Variants in LMNTD1 observed in about 807,000 individuals in gnomAD.
LMNTD1 encodes the protein lamin tail domain containing 1.
LMNTD1 carries 35 observed loss-of-function variants against 50.9 expected under a neutral mutation model. That is an observed-to-expected ratio of 0.69 (90% CI 0.53 to 0.91). The LOEUF is 0.91. Among genes scored for constraint, LMNTD1 ranks in the 40% least tolerant of loss-of-function variants. The pLI is 0.00. For missense variants in LMNTD1, 470 were observed against 475.5 expected (o/e 0.99, Z 0.11); for synonymous variants, 153 against 161.9 (o/e 0.94, Z 0.42).
At chr12:25,589,273 A>G (rs1945627464) in intron 1 of LMNTD1, among the ~76,000 whole-genome samples, 1 of 152,242 alleles carries the variant, frequency 6.6e-6, no homozygotes. Flanking sequence ...TCTCATAAAC[A>G]TGTTAAAGAA....
At chr12:25,589,720 C>T (rs1294980479) in intron 1 of LMNTD1, among the ~76,000 whole-genome samples, 1 of 152,214 alleles carries the variant, frequency 6.6e-6, no homozygotes. Flanking sequence ...GATTTAAAAT[C>T]TTCATGGCAC....
At chr12:25,638,799 C>A (rs1419644182) in intron 1 of LMNTD1, among the ~76,000 whole-genome samples, 2 of 152,082 alleles carry the variant, frequency 1.3e-5, no homozygotes, top group African/African-American at 4.8e-5. Context: ...CTGCCTTTTT[C>A]TTTGCAGAAA....
intron 9 of LMNTD1, among the ~76,000 whole-genome samples, chr12:25,489,682 G>T (rs1478063880): frequency 6.6e-6 from 1 of 152,088 alleles, no homozygotes; most frequent in Non-Finnish European, 1.5e-5. Flanking sequence ...ATTTTAAGTA[G>T]TTATGAAGAA....
chr12:25,612,893 A>G (rs1946278824), intron 1 of LMNTD1, among the ~76,000 whole-genome samples: 1 of 152,158 alleles, frequency 6.6e-6, no homozygotes. Flanking sequence ...GATCTCCTGC[A>G]TTATCTGAGT....
At chr12:25,515,373 C>G (rs560427740) in intron 8 of LMNTD1, among the ~76,000 whole-genome samples, 2 of 151,900 alleles carry the variant, frequency 1.3e-5, no homozygotes, top group African/African-American at 4.8e-5. Context: ...CCCCAAATTA[C>G]AGTAAGTCAA....
At chr12:25,633,239 T>C (rs1946759082) in intron 1 of LMNTD1, among the ~76,000 whole-genome samples, 1 of 152,048 alleles carries the variant, frequency 6.6e-6, no homozygotes, top group Non-Finnish European at 1.5e-5. Flanking sequence ...GGGCCTTCAA[T>C]ACTCCACTGA....
intron 9 of LMNTD1, among the ~76,000 whole-genome samples, chr12:25,488,550 G>A (rs1938749126): frequency 6.8e-6 from 1 of 147,242 alleles, no homozygotes; most frequent in Admixed American, 6.8e-5. Flanking sequence ...TTTTTTCAAA[G>A]TTTTCAACTT....
upstream of LMNTD1, among the ~76,000 whole-genome samples, chr12:25,556,168 T>C (rs751362592): frequency 4.6e-5 from 7 of 152,138 alleles, no homozygotes; most frequent in Admixed American, 4.6e-4. Context: ...AGACGAGGTT[T>C]CGCCATGTTG....
At chr12:25,611,619 T>G (rs368626739) in intron 1 of LMNTD1, among the ~76,000 whole-genome samples, 14 of 152,354 alleles carry the variant, frequency 9.2e-5, no homozygotes, top group African/African-American at 3.4e-4. Flanking sequence ...AAAAACATAA[T>G]GAGAATGCTT....
Position 25,612,328 on chromosome 12 carries a change from A to ACACACGCGCG in LMNTD1, c.58+36165_58+36166insCGCGCGTGTG, listed in dbSNP as rs34069424. On this transcript the variant is annotated intron_variant, in intron 1 of 7. Coordinates refer to the LMNTD1 transcript ENST00000445693. ...CACACACACACACACACACACACAC[A>ACACACGCGCG]CGCGCTCCCACTGTCAACAACACTG... Among the ~76,000 whole-genome samples the ACACACGCGCG allele has an allele frequency of 3.4e-4, 50 of 146,526 alleles. No homozygotes were observed. The East Asian group carries it at 4.8e-3, about 14-fold the overall frequency.
At chr12:25,641,654 A>G (rs1329060079) in intron 1 of LMNTD1, among the ~76,000 whole-genome samples, 2 of 152,152 alleles carry the variant, frequency 1.3e-5, no homozygotes, top group African/African-American at 4.8e-5. Context: ...TTGTACTATT[A>G]TTTATCCACA....
At chr12:25,480,204 C>T (rs1938401375) in intron 9 of LMNTD1, among the ~76,000 whole-genome samples, 1 of 152,186 alleles carries the variant, frequency 6.6e-6, no homozygotes, top group Non-Finnish European at 1.5e-5. Flanking sequence ...GGCTGCCACA[C>T]ATGGTTGTAT....
chr12:25,612,728 T>A (rs986941378), intron 1 of LMNTD1, among the ~76,000 whole-genome samples: 3 of 152,048 alleles, frequency 2.0e-5, no homozygotes, highest in African/African-American at 7.2e-5. Context: ...TTTTTAAATG[T>A]CCCCCGTGTA....
At chr12:25,571,797 G>A (rs1339992731) in intron 1 of LMNTD1, among the ~76,000 whole-genome samples, 8 of 152,164 alleles carry the variant, frequency 5.3e-5, no homozygotes, top group Non-Finnish European at 1.2e-4. Flanking sequence ...AGTTTCTCAA[G>A]TAGTTGGGAT....
At chr12:25,619,252 C>CTCTCTCTATATATATATA (rs1374134268) in intron 1 of LMNTD1, among the ~76,000 whole-genome samples, 11 of 84,442 alleles carry the variant, frequency 1.3e-4, no homozygotes, top group Admixed American at 4.6e-4. Context: ...CTCTCTCTCT[C>CTCTCTCTATATATATATA]TATATATATA....
intron 7 of LMNTD1, among the ~76,000 whole-genome samples, chr12:25,519,511 C>A (rs765040172): frequency 6.8e-6 from 1 of 147,620 alleles, no homozygotes; most frequent in Non-Finnish European, 1.5e-5. Flanking sequence ...TGGCGTGAAC[C>A]GGCAGGGCGG....
At chr12:25,612,415 A>G (rs1388835172) in intron 1 of LMNTD1, among the ~76,000 whole-genome samples, 1 of 151,978 alleles carries the variant, frequency 6.6e-6, no homozygotes, top group Non-Finnish European at 1.5e-5. Context: ...GCTTTGGACC[A>G]TCTCTGTCCC....
intron 1 of LMNTD1, among the ~76,000 whole-genome samples, chr12:25,573,052 G>C (rs1944859393): frequency 6.6e-6 from 1 of 151,810 alleles, no homozygotes. Context: ...TCCTCTGTTT[G>C]TCTATATCGC....
chr12:25,605,677 G>A (rs1486099148), intron 1 of LMNTD1, among the ~76,000 whole-genome samples: 2 of 152,106 alleles, frequency 1.3e-5, no homozygotes, highest in Non-Finnish European at 2.9e-5. Flanking sequence ...ATTTCTGAGA[G>A]CTCTGTTCTG....
Sources: gnomAD v4.1 joint callset for allele counts (sites outside exome capture counted in the v4.1 genomes callset) on GRCh38, gnomAD v4.1.1 for gene constraint, MANE v1.5 for transcripts, NCBI Gene and HGNC (gene_info 2026-07-23, HGNC 2026-07-21) for gene names.